The following CENPL variants were observed in gnomAD, a reference collection of about 807,000 sequenced individuals.
CENPL encodes the protein interphase centromere complex protein 33.
Under a neutral mutation model 35.2 loss-of-function variants are expected in CENPL, and 20 were observed. The ratio of observed to expected loss-of-function variants is 0.57; its 90% CI spans 0.40 to 0.83. The LOEUF is 0.83. Ranked by LOEUF, CENPL falls within the 40% of genes least tolerant of loss-of-function variation. The pLI, the probability that CENPL is intolerant of heterozygous loss-of-function variation, is 0.00. For missense variants in CENPL, 363 were observed against 395.8 expected (o/e 0.92, Z 0.70); for synonymous variants, 140 against 140.6 (o/e 1.00, Z 0.03).
chr1:173,816,798 C>G (rs1392251609), intron 2 of CENPL, among the ~76,000 whole-genome samples: 1 of 152,064 alleles, frequency 6.6e-6, no homozygotes, highest in Non-Finnish European at 1.5e-5. Flanking sequence ...ACTAAAACAC[C>G]AAAAGCAATG....
chr1:173,813,326 A>G (rs1220630498), intron 2 of CENPL, among the ~76,000 whole-genome samples: 3 of 152,204 alleles, frequency 2.0e-5, no homozygotes, highest in Non-Finnish European at 4.4e-5. Flanking sequence ...TACACAGAAC[A>G]CCACAAAGAT....
Position 173,824,026 on chromosome 1 carries a change from A to G in CENPL, c.-101-7T>C, listed in dbSNP as rs1248636497. On this transcript the variant is annotated splice_polypyrimidine_tract_variant and splice_region_variant and intron_variant, in intron 1 of 5. Transcript: ENST00000682279. ...ATGTGGAGACTGAAATCCCCTGAAG[A>G]AAAAAAAAAAAAACCGCCAAAATGA... 8.2e-6 allele frequency: 1 copy of G among 121,358 alleles called. No individual in the cohort carries two copies. Among genetic ancestry groups the G allele is most frequent in the African/African-American group, 2.8e-5 (1 of 35,830 alleles). The allele number at this position is 121,358 out of a possible 1,614,324, so 7.5% of individuals were successfully genotyped here.
At position 173,807,257 on chromosome 1, in the gene CENPL, T is replaced by C; in HGVS notation, c.420+10A>G. On this transcript the variant is annotated intron_variant, in intron 4 of 5. Transcript: ENST00000682279. Reference sequence around the variant, plus strand: ...TCCCCTAGGAAGCAAGAACTGTTTATGTATTATACCTGGACAAGAAATGCT... The same window carrying C: ...TCCCCTAGGAAGCAAGAACTGTTTACGTATTATACCTGGACAAGAAATGCT... The C allele has an allele frequency of 6.4e-7, 1 of 1,570,894 alleles. No homozygotes were observed. The highest frequency in any genetic ancestry group is 8.7e-7 in the Non-Finnish European group (1 of 1,154,460).
chr1:173,802,834 A>ACC (rs1649873499), intron 5 of CENPL, 129 bp downstream of exon 5: 2 of 655,124 alleles, frequency 3.1e-6, no homozygotes, highest in East Asian at 5.5e-5. Context: ...TAAACCATAA[A>ACC]ATAAAAGCTC....
chr1:173,815,515 T>C (rs1159835419), intron 2 of CENPL, among the ~76,000 whole-genome samples: 1 of 152,196 alleles, frequency 6.6e-6, no homozygotes, highest in Non-Finnish European at 1.5e-5. Flanking sequence ...GTTCCTAGGA[T>C]GCGAGGCTGG....
chr1:173,820,794 G>T lies in CENPL; in HGVS notation c.-8+3132C>A, dbSNP rs554410796. Among the ~76,000 whole-genome samples, 12 of 152,174 alleles carry T rather than the reference G, an allele frequency of 7.9e-5. No individual in the cohort carries two copies. The South Asian group carries it at 2.5e-3, about 32-fold the overall frequency. On this transcript the variant is annotated intron_variant, in intron 2 of 5. Transcript: ENST00000682279. ...TGGATGTTAAAGCCAATCCAAAAAG[G>T]TCACATATAAAATTTCATACATTTA...
intron 2 of CENPL, chr1:173,823,003 T>C (rs2102621880): frequency 6.6e-6 from 1 of 152,434 alleles, no homozygotes; most frequent in Admixed American, 6.5e-5. Context: ...CCTCCCAAAG[T>C]GCTGGATTAC....
At position 173,807,910 on chromosome 1, in the gene CENPL, A is replaced by G. The variant is rs772527839; in HGVS notation, c.169-392T>C. 1.3e-5 allele frequency among the ~76,000 whole-genome samples: 2 copies of G among 152,078 alleles called. 1 individual carries two copies. On this transcript the variant is annotated intron_variant, in intron 3 of 5. Coordinates refer to ENST00000682279, the MANE Select transcript of CENPL (RefSeq NM_001387287.1). The stretch of plus-strand genomic sequence containing the variant: ...TTGTCTGCAATTTTTTTGTATTTTT[A>G]TTATCTGTCTTCCCTACTGGTGTAT...
chr1:173,816,975 T>A lies in CENPL; in HGVS notation c.-7-5669A>T, dbSNP rs192212312. Among the ~76,000 whole-genome samples, 1,363 of 151,972 alleles carry A rather than the reference T, an allele frequency of 9.0e-3. 19 individuals are homozygous for A. Among genetic ancestry groups the A allele is most frequent in the African/African-American group, 0.03 (1,239 of 41,452 alleles). On this transcript the variant is annotated intron_variant, in intron 2 of 5. Transcript: ENST00000682279. ...CAATATGGTGAAACACCATTTCTAC[T>A]AAAAATACAAAAATTAGCCAGGCAT...
intron 2 of CENPL, among the ~76,000 whole-genome samples, chr1:173,817,287 AG>A (rs1331240016): frequency 6.6e-6 from 1 of 152,238 alleles, no homozygotes; most frequent in Admixed American, 6.5e-5. Flanking sequence ...GAATCTAAAA[AG>A]GACTTAAACA....
At chr1:173,804,255 C>G (rs1041168632) in intron 4 of CENPL, among the ~76,000 whole-genome samples, 1 of 152,234 alleles carries the variant, frequency 6.6e-6, no homozygotes, top group Non-Finnish European at 1.5e-5. Context: ...GTCCTGCTTT[C>G]TTCCTTTTGG....
chr1:173,806,563 G>A, intron 4 of CENPL: 1 of 318,120 alleles, frequency 3.1e-6, no homozygotes, highest in Non-Finnish European at 6.4e-6. Context: ...CAGCCTGGGT[G>A]ACAAAATGAG....
intron 2 of CENPL, among the ~76,000 whole-genome samples, chr1:173,816,467 T>G (rs1030727186): frequency 6.6e-6 from 1 of 152,192 alleles, no homozygotes; most frequent in African/African-American, 2.4e-5. Context: ...AACAGCATGG[T>G]ACTGGTACCA....
intron 2 of CENPL, among the ~76,000 whole-genome samples, chr1:173,812,904 C>A (rs558868875): frequency 6.6e-6 from 1 of 152,050 alleles, no homozygotes; most frequent in African/African-American, 2.4e-5. Context: ...TGTAACCCAT[C>A]GCAAGGAAGC....
chr1:173,817,260 CA>C lies in CENPL; in HGVS notation c.-7-5955del, dbSNP rs1418141858. Among the ~76,000 whole-genome samples the C allele has an allele frequency of 5.9e-5, 9 of 151,980 alleles. No homozygotes were observed. The Middle Eastern group carries it at 0.01, about 173-fold the overall frequency. ...AAATTTTTGCAATCTACCCATCAGA[CA>C]AAGGGATAATATCCAGAATCTAAAA... On this transcript the variant is annotated intron_variant, in intron 2 of 5. Transcript: ENST00000682279.
intron 4 of CENPL, 101 bp downstream of exon 4, chr1:173,807,166 G>T (rs941777966): frequency 2.8e-6 from 3 of 1,086,594 alleles, no homozygotes; most frequent in African/African-American, 3.2e-5. Context: ...TATATATATA[G>T]GAAAAAATTT....
At chr1:173,808,898 T>A (rs1021991871) in intron 3 of CENPL, among the ~76,000 whole-genome samples, 1 of 152,070 alleles carries the variant, frequency 6.6e-6, no homozygotes, top group African/African-American at 2.4e-5. Context: ...TGGGATCTAA[T>A]TAAACTAAAG....
chr1:173,824,852 G>T lies in CENPL; in HGVS notation c.-742C>A, dbSNP rs936080765. 4.4e-6 allele frequency: 1 copy of T among 226,792 alleles called. No individual in the cohort carries two copies. The highest frequency in any genetic ancestry group is 2.3e-5 in the African/African-American group (1 of 43,646). 14.0% of individuals were successfully genotyped at this position (226,792 alleles called of 1,614,324 possible). A position where few individuals can be genotyped will look rare whatever the true frequency, so the allele number is the denominator to read the frequency against. ...GCCGCGGGAGCCTCTCGAGAAGCGT[G>T]GAAAGAGGAGAAGGGCGTATACCTT... On this transcript the variant is annotated 5_prime_UTR_variant, in exon 1 of 6. Transcript: ENST00000682279.
chr1:173,820,060 T>C (rs1016490681), intron 2 of CENPL, among the ~76,000 whole-genome samples: 1 of 152,098 alleles, frequency 6.6e-6, no homozygotes, highest in Admixed American at 6.6e-5. Flanking sequence ...TTACCCAAAA[T>C]GCTTGGGATC....
Sources: allele counts gnomAD v4.1 joint callset (sites outside exome capture counted in the v4.1 genomes callset), GRCh38; gene constraint gnomAD v4.1.1; transcripts MANE v1.5; gene names NCBI Gene and HGNC (gene_info 2026-07-23, HGNC 2026-07-21).